Variants in CUBN observed in about 807,000 individuals in gnomAD.
The protein encoded by CUBN is cubilin.
Under a neutral mutation model 405.3 loss-of-function variants are expected in CUBN, and 282 were observed. That is an observed-to-expected ratio of 0.70 (90% confidence interval 0.63 to 0.77). The LOEUF is 0.77. Among genes scored for constraint, CUBN ranks in the 30% least tolerant of loss-of-function variants. CUBN has a pLI of 0.00. For synonymous variants in CUBN, 1,684 were observed against 1,617.0 expected, an observed-to-expected ratio of 1.04 and a Z score of -0.99; for missense variants, 4,514 against 4,475.2, an observed-to-expected ratio of 1.01 and a Z score of -0.25.
intron 31 of CUBN, among the ~76,000 whole-genome samples, chr10:16,982,078 G>C (rs1395745881): frequency 6.6e-6 from 1 of 152,080 alleles, no homozygotes; most frequent in Non-Finnish European, 1.5e-5. Context: ...ATATATCAGG[G>C]GCTTTTTTGG....
intron 27 of CUBN, among the ~76,000 whole-genome samples, chr10:17,021,975 G>A (rs1369796693): frequency 1.3e-5 from 2 of 152,106 alleles, no homozygotes; most frequent in Non-Finnish European, 1.5e-5. Flanking sequence ...CATCTCCAAT[G>A]AATGAACGCA....
At chr10:17,013,362 CCTT>C (rs1384035724) in intron 28 of CUBN, among the ~76,000 whole-genome samples, 2 of 151,730 alleles carry the variant, frequency 1.3e-5, no homozygotes, top group African/African-American at 4.9e-5. Context: ...CTCTCTGTCT[CCTT>C]CTCTTTCTTT....
chr10:17,084,244 T>C, intron 17 of CUBN, 27 bp downstream of exon 17: 1 of 1,610,680 alleles, frequency 6.2e-7, no homozygotes, highest in Admixed American at 1.7e-5. Flanking sequence ...GAATGTCATC[T>C]AAGGGCGATT....
At chr10:16,965,576 T>TAAA (rs60166274) in intron 31 of CUBN, 41,890 of 138,018 alleles carry the variant, frequency 0.3, 6,924 homozygotes, top group Middle Eastern at 0.38. Context: ...TTTTTATTTC[T>TAAA]AAAAAAAAAA....
intron 34 of CUBN, among the ~76,000 whole-genome samples, chr10:16,949,651 A>G (rs1842878191): frequency 6.6e-6 from 1 of 152,002 alleles, no homozygotes; most frequent in East Asian, 1.9e-4. Flanking sequence ...AACATACTCC[A>G]TGTGAATGTA....
chr10:16,930,384 T>C (rs1212195696), intron 40 of CUBN, among the ~76,000 whole-genome samples: 1 of 152,170 alleles, frequency 6.6e-6, no homozygotes, highest in African/African-American at 2.4e-5. Flanking sequence ...TTACAGGAGT[T>C]ACAAGCCACT....
chr10:16,829,896 A>G (rs572794870), intron 65 of CUBN, among the ~76,000 whole-genome samples: 2 of 149,538 alleles, frequency 1.3e-5, no homozygotes, highest in Non-Finnish European at 3.0e-5. Flanking sequence ...ATCTTGGCTC[A>G]CTGCAAGCTC....
intron 31 of CUBN, among the ~76,000 whole-genome samples, chr10:16,966,519 G>A (rs928174640): frequency 1.3e-5 from 2 of 151,950 alleles, no homozygotes; most frequent in Admixed American, 1.3e-4. Context: ...TGCAATCTCG[G>A]CTCACTGTAG....
chr10:16,888,572 T>C lies in CUBN; in HGVS notation c.8756-6A>G, dbSNP rs770559165. On this transcript the variant is annotated splice_region_variant and splice_polypyrimidine_tract_variant and intron_variant, in intron 55 of 66. Transcript: ENST00000377833. ...AGTGAAATTACTTCCACATCCTATGTGGGAACAAAAAGTCATCATCAGATC... is the reference window on the plus strand; with the variant it reads ...AGTGAAATTACTTCCACATCCTATGCGGGAACAAAAAGTCATCATCAGATC... 6.2e-7 allele frequency: 1 copy of C among 1,613,094 alleles called. No individual in the cohort carries two copies. The highest frequency in any genetic ancestry group is 1.7e-5 in the Admixed American group (1 of 60,026).
At chr10:17,085,546 T>A in intron 16 of CUBN, 51 bp downstream of exon 16, 1 of 1,516,064 alleles carries the variant, frequency 6.6e-7, no homozygotes, top group Non-Finnish European at 9.2e-7. Flanking sequence ...GATGTAAGCA[T>A]AGCATTGGCC....
In CUBN at chr10:16,938,189, TGA is replaced by T. The variant is rs1842569756; in HGVS notation, c.5734-407_5734-406del. Among the ~76,000 whole-genome samples, 5 of 152,018 alleles carry T rather than the reference TGA, an allele frequency of 3.3e-5. No individual in the cohort carries two copies. In the South Asian group the frequency reaches 1.0e-3, roughly 32 times the overall value. ...AATAACAAGAAGAGAAAAGCTTTAA[TGA>T]GAGAAAGTGGACAGGTATCCTAAAG... On this transcript the variant is annotated intron_variant, in intron 38 of 66. Transcript: ENST00000377833.
intron 31 of CUBN, among the ~76,000 whole-genome samples, chr10:16,956,278 C>A (rs1212657493): frequency 6.6e-6 from 1 of 151,966 alleles, no homozygotes; most frequent in East Asian, 1.9e-4. Context: ...TGGGTCTGTT[C>A]TGGAGCAGCA....
At chr10:16,969,066 T>C (rs2131666514) in intron 31 of CUBN, among the ~76,000 whole-genome samples, 1 of 152,306 alleles carries the variant, frequency 6.6e-6, no homozygotes, top group East Asian at 1.9e-4. Context: ...CAGCATGCAA[T>C]TCTAGAAAAC....
In CUBN at chr10:16,974,662, C is replaced by T. The variant is rs1028152376; in HGVS notation, c.4695+7822G>A. Reference sequence around the variant, plus strand: ...CTGGGATTACAGGCGTGAGCCACCGCGCCCGGCCTACAGTTAACTCTTGAA... The same window carrying T: ...CTGGGATTACAGGCGTGAGCCACCGTGCCCGGCCTACAGTTAACTCTTGAA... On this transcript the variant is annotated intron_variant, in intron 31 of 66. Coordinates refer to ENST00000377833, the MANE Select transcript of CUBN (RefSeq NM_001081.4). Among the ~76,000 whole-genome samples the T allele has an allele frequency of 1.6e-4, 25 of 152,152 alleles. 1 individual carries two copies. Among genetic ancestry groups the T allele is most frequent in the Admixed American group, 1.4e-3 (21 of 15,268 alleles).
In CUBN at chr10:16,937,665, G is replaced by A. The variant is rs1177383483; in HGVS notation, c.5853C>T (p.Ile1951=). 1.2e-6 allele frequency: 2 copies of A among 1,613,924 alleles called. No individual in the cohort carries two copies. Among genetic ancestry groups the A allele is most frequent in the South Asian group, 1.1e-5 (1 of 91,078 alleles). The part of the protein sequence containing the change: ...LTFHFYSDSS[I]SGKGFLLEWF... Reference sequence around the variant, plus strand: ...ACTCCAGAAGGAATCCCTTCCCTGAGATTGAAGAGTCGGAGTAAAAATGAA... The same window carrying A: ...ACTCCAGAAGGAATCCCTTCCCTGAAATTGAAGAGTCGGAGTAAAAATGAA... The change falls in exon 39 of 67, where the codon ATC becomes ATT. Residue 1951 remains isoleucine (I), a synonymous_variant. Coordinates refer to ENST00000377833, the MANE Select transcript of CUBN (RefSeq NM_001081.4).
At chr10:17,090,826 T>TAAAAAAAAAAATA (rs1836239507) in intron 14 of CUBN, among the ~76,000 whole-genome samples, 1 of 94,012 alleles carries the variant, frequency 1.1e-5, no homozygotes, top group Non-Finnish European at 2.4e-5. Context: ...AAATGTAAAG[T>TAAAAAAAAAAATA]AAAAAAAAAA....
intron 13 of CUBN, among the ~76,000 whole-genome samples, chr10:17,101,089 A>G (rs1836484168): frequency 6.6e-6 from 1 of 152,228 alleles, no homozygotes; most frequent in African/African-American, 2.4e-5. Flanking sequence ...ATGAAAAAGA[A>G]TATAAGGAAT....
chr10:16,958,722 T>C (rs1256390251), intron 31 of CUBN, among the ~76,000 whole-genome samples: 1 of 152,176 alleles, frequency 6.6e-6, no homozygotes, highest in Non-Finnish European at 1.5e-5. Flanking sequence ...TAGTAAGTCA[T>C]CCAAGTTCAC....
At chr10:16,913,625 A>G (rs574035732) in intron 48 of CUBN, among the ~76,000 whole-genome samples, 186 bp downstream of exon 48, 1 of 152,326 alleles carries the variant, frequency 6.6e-6, no homozygotes, top group South Asian at 2.1e-4. Flanking sequence ...TAGTCTCTTC[A>G]AACAACTTTT....
Sources: gnomAD v4.1 joint callset for allele counts (sites outside exome capture counted in the v4.1 genomes callset) on GRCh38, gnomAD v4.1.1 for gene constraint, MANE v1.5 for transcripts, NCBI Gene and HGNC (gene_info 2026-07-23, HGNC 2026-07-21) for gene names.